The following C10orf88 variants were observed in gnomAD, a reference collection of about 807,000 sequenced individuals.
The protein encoded by C10orf88 is ATPase PAAT.
In C10orf88, 29 loss-of-function variants were observed where a neutral mutation model predicts 34.2. The ratio of observed to expected loss-of-function variants is 0.85; its 90% CI spans 0.63 to 1.16. The LOEUF (loss-of-function observed/expected upper bound fraction) is 1.16, where lower values mean the gene tolerates loss of function less well. C10orf88 is among the 50% of genes most tolerant of loss of function. The pLI is 0.00. For synonymous variants in C10orf88, 194 were observed against 197.4 expected (o/e 0.98, Z 0.15); for missense variants, 507 against 533.2 (o/e 0.95, Z 0.48).
rs548050442 is a variant in C10orf88, at chr10:122,931,174, T to C, written c.*1253A>G. The C allele has an allele frequency of 4.6e-5, 7 of 152,272 alleles. No individual in the cohort carries two copies. The South Asian group carries it at 1.5e-3, about 32-fold the overall frequency. 9.4% of individuals were successfully genotyped at this position (152,272 alleles called of 1,614,324 possible). A position where few individuals can be genotyped will look rare whatever the true frequency, so the allele number is the denominator to read the frequency against. Reference sequence around the variant, plus strand: ...TGGCGATTGTCAACTGTCATGGAGCTAGCAGGAGCGTTATTTAGCACAGAA... The same window carrying C: ...TGGCGATTGTCAACTGTCATGGAGCCAGCAGGAGCGTTATTTAGCACAGAA... On this transcript the variant is annotated 3_prime_UTR_variant, in exon 6 of 6. Coordinates refer to ENST00000481909, the MANE Select transcript of C10orf88 (RefSeq NM_024942.4).
At chr10:122,950,451 G>A (rs1013081561) in intron 3 of C10orf88, among the ~76,000 whole-genome samples, 2 of 152,056 alleles carry the variant, frequency 1.3e-5, no homozygotes, top group Non-Finnish European at 2.9e-5. Context: ...AGACACACAG[G>A]TCCACATGTC....
chr10:122,934,894 C>A (rs2901360), intron 5 of C10orf88, among the ~76,000 whole-genome samples: 64,438 of 151,918 alleles, frequency 0.42, 14,219 homozygotes, highest in Non-Finnish European at 0.46. Flanking sequence ...ATGCATTTCC[C>A]TAATAGTCAC....
chr10:122,950,147 C>G lies in C10orf88; in HGVS notation c.442-1292G>C, dbSNP rs377014399. ...CTAAGTTTAACTTACGACTCTGGTA[C>G]TTAACAACCTGTGTGACCCTGGGCA... On this transcript the variant is annotated intron_variant, in intron 3 of 5. Coordinates refer to ENST00000481909, the MANE Select transcript of C10orf88 (RefSeq NM_024942.4). Among the ~76,000 whole-genome samples, 26 of 152,306 alleles carry G rather than the reference C, an allele frequency of 1.7e-4. No homozygotes were observed. The South Asian group carries it at 2.5e-3, about 15-fold the overall frequency.
chr10:122,934,210 G>A (rs1032966179), intron 5 of C10orf88, among the ~76,000 whole-genome samples: 4 of 152,110 alleles, frequency 2.6e-5, no homozygotes, highest in Admixed American at 6.6e-5. Flanking sequence ...TTAATATGAT[G>A]TGTGTGTATA....
rs1848487971 is a variant in C10orf88 at position 122,932,024 on chromosome 10, A to G, written c.*403T>C. ...GTATCCAATTTTCCAAGATAATTAG[A>G]AAAAGAAAAAAATCAAATACTCTTA... is the stretch of plus-strand genomic sequence containing the variant. On this transcript the variant is annotated 3_prime_UTR_variant, in exon 6 of 6. Transcript: ENST00000481909. The G allele has an allele frequency of 6.5e-6, 1 of 154,128 alleles. No individual in the cohort carries two copies. Among genetic ancestry groups the G allele is most frequent in the Admixed American group, 6.5e-5 (1 of 15,336 alleles). 9.5% of individuals were successfully genotyped at this position (154,128 alleles called of 1,614,324 possible).
chr10:122,934,910 C>A (rs550987425), intron 5 of C10orf88, among the ~76,000 whole-genome samples: 1 of 152,182 alleles, frequency 6.6e-6, no homozygotes, highest in Non-Finnish European at 1.5e-5. Flanking sequence ...GTCACTAAGT[C>A]AATGTTGATC....
chr10:122,950,312 T>C (rs1248002591), intron 3 of C10orf88, among the ~76,000 whole-genome samples: 1 of 152,242 alleles, frequency 6.6e-6, no homozygotes, highest in Non-Finnish European at 1.5e-5. Context: ...TAACCATTTT[T>C]TTATTTGAAC....
chr10:122,937,205 C>G (rs1387969266), intron 5 of C10orf88, among the ~76,000 whole-genome samples: 2 of 151,900 alleles, frequency 1.3e-5, no homozygotes, highest in Admixed American at 6.6e-5. Flanking sequence ...CAAATATGTA[C>G]TGCCAAAATA....
intron 4 of C10orf88, among the ~76,000 whole-genome samples, chr10:122,939,050 TAA>T (rs1848560555): frequency 6.6e-6 from 1 of 152,162 alleles, no homozygotes; most frequent in Non-Finnish European, 1.5e-5. Flanking sequence ...AAGCAATATG[TAA>T]ATTAGCTGAA....
chr10:122,937,094 C>T (rs1848540341), intron 5 of C10orf88, among the ~76,000 whole-genome samples: 1 of 151,860 alleles, frequency 6.6e-6, no homozygotes, highest in African/African-American at 2.4e-5. Flanking sequence ...ATGTTTAAGC[C>T]AAAACCACAC....
At chr10:122,953,985 A>G (rs745560201) in intron 1 of C10orf88, 30 bp downstream of exon 1, 335 of 1,491,760 alleles carry the variant, frequency 2.2e-4, no homozygotes, top group Non-Finnish European at 2.8e-4. Context: ...TGCCGAGCAT[A>G]GCGACCCCGT....
intron 2 of C10orf88, among the ~76,000 whole-genome samples, chr10:122,952,401 T>C (rs1005902773): frequency 6.6e-6 from 1 of 152,202 alleles, no homozygotes; most frequent in South Asian, 2.1e-4. Flanking sequence ...GGTTAATAAA[T>C]AGGTTTATGT....
intron 5 of C10orf88, among the ~76,000 whole-genome samples, chr10:122,937,011 T>C (rs1443932401): frequency 2.6e-5 from 4 of 152,030 alleles, no homozygotes; most frequent in Non-Finnish European, 5.9e-5. Context: ...TGGCGTTTAG[T>C]TACAAAATCA....
intron 2 of C10orf88, among the ~76,000 whole-genome samples, chr10:122,952,566 C>T (rs1410986152): frequency 6.6e-6 from 1 of 152,202 alleles, no homozygotes; most frequent in South Asian, 2.1e-4. Flanking sequence ...TCTAATAAAA[C>T]TCTTCCACTA....
At chr10:122,952,135 T>G (rs1848696138) in intron 2 of C10orf88, 109 bp from the exon 3 acceptor site, 1 of 638,560 alleles carries the variant, frequency 1.6e-6, no homozygotes, top group African/African-American at 1.9e-5. Flanking sequence ...TAAGATTCAG[T>G]TTTCCTGGTG....
At chr10:122,944,446 A>C (rs1453086653) in intron 4 of C10orf88, among the ~76,000 whole-genome samples, 2 of 152,040 alleles carry the variant, frequency 1.3e-5, no homozygotes, top group Admixed American at 1.3e-4. Context: ...TAGTGGGTGC[A>C]GCGCACCAGC....
chr10:122,950,060 T>C (rs1279421004), intron 3 of C10orf88, among the ~76,000 whole-genome samples: 1 of 152,202 alleles, frequency 6.6e-6, no homozygotes, highest in African/African-American at 2.4e-5. Flanking sequence ...AGACATTTCA[T>C]GTATGGTACA....
At chr10:122,949,407 T>A (rs928874917) in intron 3 of C10orf88, among the ~76,000 whole-genome samples, 1 of 152,144 alleles carries the variant, frequency 6.6e-6, no homozygotes, top group Non-Finnish European at 1.5e-5. Context: ...CATGATAAAA[T>A]GCCTACATAA....
intron 5 of C10orf88, among the ~76,000 whole-genome samples, chr10:122,937,489 G>A (rs1848543800): frequency 1.3e-5 from 2 of 152,086 alleles, no homozygotes; most frequent in Admixed American, 6.6e-5. Context: ...TGCCTGGGAA[G>A]TGTGCAAAAC....
Sources: gnomAD v4.1 joint callset for allele counts (sites outside exome capture counted in the v4.1 genomes callset) on GRCh38, gnomAD v4.1.1 for gene constraint, MANE v1.5 for transcripts, NCBI Gene and HGNC (gene_info 2026-07-23, HGNC 2026-07-21) for gene names.